The following UBXN11 variants were observed in gnomAD, a reference collection of about 807,000 sequenced individuals.
The protein encoded by UBXN11 is UBX domain-containing protein 11.
A neutral mutation model predicts 62.8 loss-of-function variants in UBXN11; 47 were observed. That is an observed-to-expected ratio of 0.75 (90% CI 0.59 to 0.95). The LOEUF is 0.95. Ranked by LOEUF, UBXN11 falls within the 40% of genes least tolerant of loss-of-function variation. The pLI is 0.00. For synonymous variants in UBXN11, 294 were observed against 267.0 expected, an observed-to-expected ratio of 1.10 and a Z score of -0.99; for missense variants, 638 against 661.7, an observed-to-expected ratio of 0.96 and a Z score of 0.39.
chr1:26,308,251 G>C (rs1380352956), upstream of UBXN11, among the ~76,000 whole-genome samples: 2 of 122,916 alleles, frequency 1.6e-5, no homozygotes, highest in South Asian at 2.3e-4. Flanking sequence ...TGGGCAACAA[G>C]AGTGAAACTC....
upstream of UBXN11, among the ~76,000 whole-genome samples, chr1:26,310,212 C>T (rs1216598963): frequency 6.6e-6 from 1 of 152,128 alleles, no homozygotes; most frequent in Non-Finnish European, 1.5e-5. Context: ...ACCAGCCTGG[C>T]CAACATGACG....
At chr1:26,291,240 G>A (rs1458994281) in intron 8 of UBXN11, among the ~76,000 whole-genome samples, 1 of 152,218 alleles carries the variant, frequency 6.6e-6, no homozygotes, top group Non-Finnish European at 1.5e-5. Flanking sequence ...CTGTGAGCCT[G>A]AGGCCCCTGG....
At chr1:26,310,924 C>T (rs1027064872), upstream of UBXN11, among the ~76,000 whole-genome samples, 7 of 152,012 alleles carry the variant, frequency 4.6e-5, no homozygotes, top group African/African-American at 1.7e-4. Context: ...CGACCACTTC[C>T]AAGCTGGAAG....
At position 26,298,453 on chromosome 1, in the gene UBXN11, G is replaced by A. The variant is rs368583953; in HGVS notation, c.200-391C>T. Reference sequence around the variant, plus strand: ...TAGAGGAGTGAGGCAAATACCCCACGGGCAAACTGCCAGACAAAGCCAGAA... The same window carrying A: ...TAGAGGAGTGAGGCAAATACCCCACAGGCAAACTGCCAGACAAAGCCAGAA... On this transcript the variant is annotated intron_variant, in intron 4 of 14. Transcript: ENST00000374222. Among the ~76,000 whole-genome samples the A allele has an allele frequency of 3.0e-4, 46 of 152,204 alleles. No homozygotes were observed. The South Asian group carries it at 3.1e-3, about 10-fold the overall frequency.
chr1:26,300,993 A>G lies in UBXN11; in HGVS notation c.132T>C (p.Cys44=), dbSNP rs764809776. Residue 44 remains cysteine, a synonymous_variant, in exon 4 of 15, where the codon TGT becomes TGC. Transcript: ENST00000374222. ...GGACTGAGATCTTTTCTTCTGAGCC[A>G]CACCCATCACTCAACATGTCCACCT... The part of the protein sequence containing the change: ...EDEVDMLSDG[C]GSEEKISVPS... 3.1e-6 allele frequency: 5 copies of G among 1,614,218 alleles called. No individual in the cohort carries two copies. The highest frequency in any genetic ancestry group is 1.7e-4 in the Middle Eastern group (1 of 6,060).
chr1:26,297,261 G>C (rs2073416346), intron 6 of UBXN11, among the ~76,000 whole-genome samples, 166 bp downstream of exon 6: 2 of 152,172 alleles, frequency 1.3e-5, no homozygotes, highest in South Asian at 4.1e-4. Context: ...CTCCAGCACT[G>C]TCCTGGATAT....
chr1:26,300,240 C>A (rs1283023539), intron 4 of UBXN11, among the ~76,000 whole-genome samples: 1 of 152,210 alleles, frequency 6.6e-6, no homozygotes, highest in Non-Finnish European at 1.5e-5. Flanking sequence ...AGGGGCCCTC[C>A]ACCGAGGAGC....
intron 10 of UBXN11, 138 bp downstream of exon 10, chr1:26,285,326 T>C (rs1298314110): frequency 1.6e-5 from 24 of 1,501,260 alleles, no homozygotes; most frequent in East Asian, 5.1e-5. Context: ...TTCAGACTTA[T>C]CCTCCTGGAG....
At chr1:26,301,582 C>G (rs2073535404) in intron 3 of UBXN11, 112 bp downstream of exon 3, 9 of 1,463,504 alleles carry the variant, frequency 6.1e-6, no homozygotes, top group Non-Finnish European at 7.4e-6. Context: ...CGGTGGAGGC[C>G]GCTGCTCCAG....
chr1:26,295,526 CTCT>C (rs1454549999), intron 7 of UBXN11, among the ~76,000 whole-genome samples: 1 of 152,132 alleles, frequency 6.6e-6, no homozygotes, highest in African/African-American at 2.4e-5. Context: ...CCCCCACGAC[CTCT>C]TCTCTTTTCC....
intron 12 of UBXN11, 152 bp from the exon 13 acceptor site, chr1:26,283,089 G>A (rs984541066): frequency 4.1e-6 from 4 of 976,982 alleles, no homozygotes; most frequent in Non-Finnish European, 4.6e-6. Context: ...CCAGAGGAGA[G>A]GCAATGGAAG....
At chr1:26,288,536 C>T (rs1467514005) in intron 8 of UBXN11, among the ~76,000 whole-genome samples, 2 of 152,138 alleles carry the variant, frequency 1.3e-5, no homozygotes, top group Non-Finnish European at 2.9e-5. Context: ...GAGCCCCCAC[C>T]ACCCCACCAG....
chr1:26,301,560 C>A, intron 3 of UBXN11, 134 bp downstream of exon 3: 1 of 1,272,150 alleles, frequency 7.9e-7, no homozygotes, highest in Non-Finnish European at 1.1e-6. Context: ...AGCATGGGAG[C>A]TGCACAGAAC....
At chr1:26,311,274 G>A (rs1010736604), upstream of UBXN11, among the ~76,000 whole-genome samples, 1 of 151,782 alleles carries the variant, frequency 6.6e-6, no homozygotes, top group Non-Finnish European at 1.5e-5. Context: ...GAGTAGCTGC[G>A]ATTACAGGTG....
intron 4 of UBXN11, 83 bp from the exon 5 acceptor site, chr1:26,298,145 AG>A (rs1476294150): frequency 6.3e-6 from 9 of 1,426,380 alleles, no homozygotes; most frequent in Non-Finnish European, 8.6e-6. Flanking sequence ...TAGGGGTCCC[AG>A]GAATGGAAAT....
At chr1:26,308,132 G>A (rs1163490989), upstream of UBXN11, among the ~76,000 whole-genome samples, 1 of 152,006 alleles carries the variant, frequency 6.6e-6, no homozygotes, top group Admixed American at 6.5e-5. Flanking sequence ...CGGGCATGAT[G>A]GCGCATGCCT....
At chr1:26,307,561 CACTT>C (rs1380748404), upstream of UBXN11, among the ~76,000 whole-genome samples, 6 of 151,114 alleles carry the variant, frequency 4.0e-5, no homozygotes, top group Non-Finnish European at 7.4e-5. Flanking sequence ...CTCAGGCACT[CACTT>C]CTTTGTGCCC....
rs780719842 is a variant in UBXN11, at chr1:26,298,053, G to T, written c.209C>A (p.Ser70Tyr). The change falls in exon 5 of 15, where the codon TCC becomes TAC. Residue 70 changes from serine (S) to tyrosine (Y), a missense_variant. Physicochemically the swap from Ser to Tyr is moderately radical, Grantham distance 144. Transcript: ENST00000374222. ...GAAGGCCATCAGCTCCGAGTCATGGGATGCAGGGACTGCCAAGCACACAAA... is the reference window on the plus strand; with the variant it reads ...GAAGGCCATCAGCTCCGAGTCATGGTATGCAGGGACTGCCAAGCACACAAA... ...GAPVSRQVPA[S>Y]HDSELMAFMT... The T allele has an allele frequency of 4.3e-6, 7 of 1,613,298 alleles. No individual in the cohort carries two copies. Among genetic ancestry groups the T allele is most frequent in the Admixed American group, 1.7e-5 (1 of 60,000 alleles).
chr1:26,314,517 T>G (rs900601502), intron 1 of UBXN11, among the ~76,000 whole-genome samples: 4 of 152,238 alleles, frequency 2.6e-5, no homozygotes, highest in Non-Finnish European at 5.9e-5. Context: ...ATTTCTTTTC[T>G]GCATTGGTAA....
Sources: gnomAD v4.1 joint callset for allele counts (sites outside exome capture counted in the v4.1 genomes callset) on GRCh38, gnomAD v4.1.1 for gene constraint, MANE v1.5 for transcripts, NCBI Gene and HGNC (gene_info 2026-07-23, HGNC 2026-07-21) for gene names.